Variants in SCN11A observed in about 807,000 individuals in gnomAD.
SCN11A encodes the protein sodium voltage-gated channel alpha subunit 11.
SCN11A carries 122 observed loss-of-function variants against 162.2 expected under a neutral mutation model. That is an observed-to-expected ratio of 0.75 (90% CI 0.65 to 0.87). SCN11A has a LOEUF of 0.87. SCN11A is among the 40% of genes least tolerant of loss of function. The probability of loss-of-function intolerance (pLI) is 0.00; values close to 1 mark genes in which losing one functional copy is unlikely to be tolerated. For synonymous variants in SCN11A, 758 were observed against 751.5 expected, an observed-to-expected ratio of 1.01 and a Z score of -0.14; for missense variants, 2,015 against 2,181.6, an observed-to-expected ratio of 0.92 and a Z score of 1.52.
intron 2 of SCN11A, among the ~76,000 whole-genome samples, chr3:39,002,293 T>C (rs2030839403): frequency 1.3e-5 from 2 of 152,222 alleles, no homozygotes. Context: ...TTGTGATTTA[T>C]TTTGTCTATA....
intron 2 of SCN11A, among the ~76,000 whole-genome samples, chr3:38,982,696 A>T (rs1276127555): frequency 1.3e-5 from 2 of 152,196 alleles, no homozygotes. Flanking sequence ...ATAGTTAGTT[A>T]AAATGTGTCA....
intron 11 of SCN11A, among the ~76,000 whole-genome samples, chr3:38,914,794 A>T (rs1201830099): frequency 6.6e-6 from 1 of 152,172 alleles, no homozygotes; most frequent in Non-Finnish European, 1.5e-5. Context: ...TGATTTGCAT[A>T]TGTTGAACCA....
intron 11 of SCN11A, among the ~76,000 whole-genome samples, chr3:38,918,792 G>A (rs1425348345): frequency 6.6e-6 from 1 of 152,116 alleles, no homozygotes; most frequent in African/African-American, 2.4e-5. Flanking sequence ...TCCAGACAAG[G>A]TCACAACCCC....
At chr3:38,934,823 A>T (rs1433445314) in intron 7 of SCN11A, among the ~76,000 whole-genome samples, 13 of 152,078 alleles carry the variant, frequency 8.5e-5, no homozygotes, top group African/African-American at 3.1e-4. Context: ...GATCAACGAG[A>T]CAGAAAGTTA....
At chr3:38,938,521 T>C (rs1398279053) in intron 7 of SCN11A, among the ~76,000 whole-genome samples, 361 of 14,684 alleles carry the variant, frequency 0.025, 3 homozygotes, top group African/African-American at 0.077. Flanking sequence ...TATATATATA[T>C]ATATATATAT....
intron 1 of SCN11A, among the ~76,000 whole-genome samples, chr3:39,039,474 C>A (rs1207440177): frequency 3.5e-5 from 4 of 114,372 alleles, no homozygotes; most frequent in African/African-American, 6.1e-5. Context: ...GCCCCAGGAT[C>A]CAATGGCCCT....
rs2066125417 is a variant in SCN11A, at chr3:38,925,514, A to G, written c.618-5T>C. The G allele has an allele frequency of 2.5e-6, 4 of 1,601,500 alleles. No individual in the cohort carries two copies. Among genetic ancestry groups the G allele is most frequent in the African/African-American group, 2.7e-5 (2 of 74,680 alleles). On this transcript the variant is annotated splice_region_variant and splice_polypyrimidine_tract_variant and intron_variant, in intron 8 of 29. Transcript: ENST00000302328. ...CCTGGAATATATGACACAATCCTAC[A>G]AGACAAAGCACAGGGAAGGCATGGG...
intron 2 of SCN11A, among the ~76,000 whole-genome samples, chr3:38,976,635 G>A (rs1000303366): frequency 2.6e-5 from 4 of 152,166 alleles, no homozygotes; most frequent in Admixed American, 1.3e-4. Flanking sequence ...CTTGTCCCAA[G>A]TATTTTGGAT....
chr3:38,974,025 T>C (rs747158609), intron 2 of SCN11A, among the ~76,000 whole-genome samples: 6 of 151,894 alleles, frequency 4.0e-5, no homozygotes, highest in Non-Finnish European at 8.8e-5. Context: ...ACAATCAAAG[T>C]CACAAAACAT....
rs549476455 is a variant in SCN11A at position 38,923,716 on chromosome 3, T to C, written c.712+1699A>G. Among the ~76,000 whole-genome samples, 4 of 152,144 alleles carry C rather than the reference T, an allele frequency of 2.6e-5. No homozygotes were observed. The East Asian group carries it at 5.8e-4, about 22-fold the overall frequency. On this transcript the variant is annotated intron_variant, in intron 9 of 29. Coordinates refer to ENST00000302328, the MANE Select transcript of SCN11A (RefSeq NM_001349253.2). ...TTGGATTATGGTCTCTTGTGTCAGT[T>C]TGGGTTTTGAGGAGCAGACATTCTG...
chr3:39,003,270 G>A (rs1175996468), intron 2 of SCN11A, among the ~76,000 whole-genome samples: 1 of 152,200 alleles, frequency 6.6e-6, no homozygotes, highest in Non-Finnish European at 1.5e-5. Flanking sequence ...TTACAGGTGA[G>A]AACATGCAGT....
intron 2 of SCN11A, among the ~76,000 whole-genome samples, chr3:38,975,290 T>C (rs991686299): frequency 2.6e-5 from 4 of 151,700 alleles, no homozygotes; most frequent in Non-Finnish European, 4.4e-5. Flanking sequence ...GGATGGTGAG[T>C]AAAAACGTAG....
chr3:38,848,519 G>T (rs921813458), intron 29 of SCN11A, among the ~76,000 whole-genome samples: 3 of 152,116 alleles, frequency 2.0e-5, no homozygotes, highest in Non-Finnish European at 2.9e-5. Flanking sequence ...TGACTAAAGA[G>T]AACTAGTTGA....
intron 29 of SCN11A, among the ~76,000 whole-genome samples, chr3:38,848,272 G>A (rs555849204): frequency 4.5e-4 from 69 of 152,354 alleles, no homozygotes; most frequent in Admixed American, 4.2e-3. Flanking sequence ...TGCTCTGCAG[G>A]CAAGTGATAC....
intron 4 of SCN11A, chr3:38,950,615 A>G (rs925334893): frequency 1.4e-5 from 7 of 497,866 alleles, no homozygotes; most frequent in Non-Finnish European, 2.2e-5. Flanking sequence ...GGACCTGGCA[A>G]AAGGCGGGAA....
chr3:38,850,329 G>T, intron 29 of SCN11A, 152 bp downstream of exon 29: 1 of 660,974 alleles, frequency 1.5e-6, no homozygotes, highest in Non-Finnish European at 2.6e-6. Flanking sequence ...TCCCAGTAGA[G>T]AATGGCATTA....
At chr3:38,853,940 G>T (rs2064825732) in intron 28 of SCN11A, among the ~76,000 whole-genome samples, 1 of 152,126 alleles carries the variant, frequency 6.6e-6, no homozygotes. Context: ...TGCCCTGGAT[G>T]CTACTTCTAT....
intron 16 of SCN11A, among the ~76,000 whole-genome samples, chr3:38,901,757 AT>A (rs2065704071): frequency 6.6e-6 from 1 of 152,120 alleles, no homozygotes; most frequent in Non-Finnish European, 1.5e-5. Flanking sequence ...CCATTTTGGT[AT>A]TGTATGTCCA....
In SCN11A at chr3:39,042,826, G is replaced by A. The variant is rs1415246924; in HGVS notation, c.-404+9035C>T. 5.9e-5 allele frequency among the ~76,000 whole-genome samples: 9 copies of A among 151,520 alleles called. No individual in the cohort carries two copies. The South Asian group carries it at 1.0e-3, about 18-fold the overall frequency. On this transcript the variant is annotated intron_variant, in intron 1 of 29. Coordinates refer to ENST00000302328, the MANE Select transcript of SCN11A (RefSeq NM_001349253.2). ...TACAAAATTATTCAGGCTTGGTGGC[G>A]CATACCTGTAATCCCAACTACTCGG...
Sources: gnomAD v4.1 joint callset for allele counts (sites outside exome capture counted in the v4.1 genomes callset) on GRCh38, gnomAD v4.1.1 for gene constraint, MANE v1.5 for transcripts, NCBI Gene and HGNC (gene_info 2026-07-23, HGNC 2026-07-21) for gene names.